Variants in CCDC169 observed in about 807,000 individuals in gnomAD.
The protein encoded by CCDC169 is coiled-coil domain-containing protein 169.
Under a neutral mutation model 36.0 loss-of-function variants are expected in CCDC169, and 30 were observed. The ratio of observed to expected loss-of-function variants is 0.83; its 90% CI spans 0.62 to 1.13. The LOEUF (loss-of-function observed/expected upper bound fraction) is 1.13, where lower values mean the gene tolerates loss of function less well. Among genes scored for constraint, CCDC169 ranks in the 50% most tolerant of loss-of-function variants. The probability of loss-of-function intolerance (pLI) is 0.00; values close to 1 mark genes in which losing one functional copy is unlikely to be tolerated. For synonymous variants in CCDC169, 85 were observed against 81.5 expected (o/e 1.04, Z -0.23); for missense variants, 245 against 245.9 (o/e 1.00, Z 0.03).
intron 4 of CCDC169, among the ~76,000 whole-genome samples, chr13:36,279,780 C>T (rs185991588): frequency 6.6e-6 from 1 of 152,300 alleles, no homozygotes; most frequent in African/African-American, 2.4e-5. Context: ...TCCCTTTATA[C>T]TACAGCAGCA....
chr13:36,224,993 C>G (rs902836878), downstream of CCDC169: 4 of 152,038 alleles, frequency 2.6e-5, no homozygotes, highest in Non-Finnish European at 5.9e-5. Context: ...AAGCCACATA[C>G]CTACAGCCAT....
intron 7 of CCDC169, among the ~76,000 whole-genome samples, chr13:36,247,758 T>C (rs2138446903): frequency 6.6e-6 from 1 of 152,354 alleles, no homozygotes; most frequent in South Asian, 2.1e-4. Flanking sequence ...GATGCTGTGA[T>C]GTCATTTTTG....
chr13:36,237,032 T>C (rs1253685195), intron 7 of CCDC169, among the ~76,000 whole-genome samples: 3 of 151,886 alleles, frequency 2.0e-5, no homozygotes, highest in African/African-American at 7.2e-5. Context: ...ATAGATGTTA[T>C]ACTTTGTTGG....
chr13:36,277,032 T>G (rs1876913674), intron 4 of CCDC169, among the ~76,000 whole-genome samples: 1 of 152,146 alleles, frequency 6.6e-6, no homozygotes, highest in Admixed American at 6.5e-5. Context: ...TAAGCAGCAC[T>G]ATTCACAATA....
chr13:36,296,177 C>T (rs957348788), intron 1 of CCDC169, among the ~76,000 whole-genome samples: 13 of 152,286 alleles, frequency 8.5e-5, no homozygotes, highest in Admixed American at 8.5e-4. Flanking sequence ...CTGCAACCTC[C>T]GCCTCCCGGG....
intron 2 of CCDC169, among the ~76,000 whole-genome samples, chr13:36,285,381 T>G (rs1255203371): frequency 2.0e-5 from 3 of 151,988 alleles, no homozygotes; most frequent in Admixed American, 2.0e-4. Flanking sequence ...AAACCCCGTC[T>G]CTACTAAAGA....
chr13:36,285,661 C>T (rs1056899179), intron 2 of CCDC169, among the ~76,000 whole-genome samples: 6 of 120,004 alleles, frequency 5.0e-5, no homozygotes, highest in Admixed American at 1.6e-4. Context: ...ATAGATAGAC[C>T]GACCTATTAG....
At chr13:36,273,799 G>A (rs1876418054) in intron 4 of CCDC169, among the ~76,000 whole-genome samples, 1 of 152,152 alleles carries the variant, frequency 6.6e-6, no homozygotes, top group Non-Finnish European at 1.5e-5. Flanking sequence ...TTAAGAAGCA[G>A]CTTCATAGCA....
intron 2 of CCDC169, among the ~76,000 whole-genome samples, chr13:36,288,066 T>C (rs567614871): frequency 9.5e-4 from 145 of 152,218 alleles, no homozygotes; most frequent in Non-Finnish European, 1.4e-3. Context: ...TAGAGTGCAG[T>C]GGCGCAATCT....
At chr13:36,256,486 C>G (rs950341314) in intron 4 of CCDC169, among the ~76,000 whole-genome samples, 2 of 152,142 alleles carry the variant, frequency 1.3e-5, no homozygotes, top group Admixed American at 1.3e-4. Flanking sequence ...ATCACAAGAA[C>G]AGCATGGAGG....
intron 4 of CCDC169, among the ~76,000 whole-genome samples, chr13:36,275,163 G>A (rs1338835437): frequency 6.6e-6 from 1 of 151,682 alleles, no homozygotes; most frequent in Non-Finnish European, 1.5e-5. Context: ...CACCGCGCTC[G>A]GCCTGCATAT....
At chr13:36,270,720 TGTA>T (rs1474346805) in intron 4 of CCDC169, among the ~76,000 whole-genome samples, 10 of 152,122 alleles carry the variant, frequency 6.6e-5, no homozygotes, top group African/African-American at 2.4e-4. Context: ...GCAATCCACA[TGTA>T]GAAGAATAAA....
intron 4 of CCDC169, chr13:36,281,198 C>T (rs1877485551): frequency 4.9e-6 from 2 of 411,464 alleles, no homozygotes; most frequent in African/African-American, 2.1e-5. Context: ...TTAGGGGAAG[C>T]CTGGATTCCT....
chr13:36,266,284 G>T (rs1875301003), intron 4 of CCDC169, among the ~76,000 whole-genome samples: 1 of 152,142 alleles, frequency 6.6e-6, no homozygotes, highest in South Asian at 2.1e-4. Flanking sequence ...GCTCCTGAGG[G>T]GGAAACCAGT....
chr13:36,282,162 C>T (rs1386790675), intron 4 of CCDC169, among the ~76,000 whole-genome samples: 1 of 152,002 alleles, frequency 6.6e-6, no homozygotes, highest in East Asian at 1.9e-4. Context: ...CTAAACAATC[C>T]ACAACAAGGA....
intron 2 of CCDC169, among the ~76,000 whole-genome samples, chr13:36,287,396 C>T (rs1594087882): frequency 1.3e-5 from 2 of 152,172 alleles, no homozygotes; most frequent in African/African-American, 4.8e-5. Flanking sequence ...TGAAGTTTGG[C>T]CATATGAACA....
At chr13:36,292,293 C>T (rs1412294908) in intron 2 of CCDC169, among the ~76,000 whole-genome samples, 2 of 152,108 alleles carry the variant, frequency 1.3e-5, no homozygotes, top group Admixed American at 6.6e-5. Flanking sequence ...CGCACCTGGC[C>T]TCCATTTTTC....
intron 6 of CCDC169, among the ~76,000 whole-genome samples, chr13:36,249,407 G>A (rs1872873938): frequency 1.3e-5 from 2 of 152,184 alleles, no homozygotes; most frequent in African/African-American, 4.8e-5. Flanking sequence ...GAGCATGGTT[G>A]GCAGTGTAAA....
downstream of CCDC169, chr13:36,222,372 T>C (rs1869659244): frequency 6.6e-6 from 1 of 152,158 alleles, no homozygotes; most frequent in Admixed American, 6.6e-5. Context: ...CTAACAGATA[T>C]GTAAAAACAG....
Sources: gnomAD v4.1 joint callset for allele counts (sites outside exome capture counted in the v4.1 genomes callset) on GRCh38, gnomAD v4.1.1 for gene constraint, MANE v1.5 for transcripts, NCBI Gene and HGNC (gene_info 2026-07-23, HGNC 2026-07-21) for gene names.